The following PRKN variants were observed in gnomAD, a reference collection of about 807,000 sequenced individuals.
PRKN encodes the protein E3 ubiquitin-protein ligase parkin.
Under a neutral mutation model 59.5 loss-of-function variants are expected in PRKN, and 56 were observed. That is an observed-to-expected ratio of 0.94 (90% CI 0.76 to 1.18). PRKN has a LOEUF of 1.18. Ranked by LOEUF, PRKN falls within the 50% of genes most tolerant of loss-of-function variation. The pLI is 0.00. For synonymous variants in PRKN, 250 were observed against 222.1 expected (o/e 1.13, Z -1.12); for missense variants, 657 against 596.4 (o/e 1.10, Z -1.06).
chr6:161,749,988 G>T (rs11751111), intron 7 of PRKN, among the ~76,000 whole-genome samples: 37,252 of 151,716 alleles, frequency 0.25, 5,073 homozygotes, highest in East Asian at 0.41. Flanking sequence ...TTTGCATTGC[G>T]TTTGTTATGA....
chr6:161,626,525 C>T (rs969822266), intron 7 of PRKN, among the ~76,000 whole-genome samples: 5 of 152,194 alleles, frequency 3.3e-5, no homozygotes, highest in African/African-American at 9.7e-5. Context: ...CATGTGGTTG[C>T]CAGACTGAAA....
chr6:161,577,578 T>C (rs181665755), intron 7 of PRKN, among the ~76,000 whole-genome samples: 213 of 152,364 alleles, frequency 1.4e-3, no homozygotes, highest in Non-Finnish European at 2.1e-3. Flanking sequence ...TTTGATGCTT[T>C]CAGAATAAGC....
chr6:162,616,226 A>T (rs1297594470), intron 1 of PRKN, among the ~76,000 whole-genome samples: 2 of 152,094 alleles, frequency 1.3e-5, no homozygotes, highest in Non-Finnish European at 2.9e-5. Flanking sequence ...TTTGTGCATT[A>T]TCCCATAGTA....
intron 2 of PRKN, among the ~76,000 whole-genome samples, chr6:162,274,011 C>T (rs57127701): frequency 0.026 from 3,964 of 152,070 alleles, 62 homozygotes; most frequent in East Asian, 0.064. Context: ...ATTAGAGGAA[C>T]TGAAAAATTA....
intron 7 of PRKN, among the ~76,000 whole-genome samples, chr6:161,750,116 T>TAC (rs1159720210): frequency 1.1e-3 from 160 of 139,240 alleles, no homozygotes; most frequent in African/African-American, 2.0e-3. Context: ...TATATATATA[T>TAC]ATACACACAC....
At position 162,170,853 on chromosome 6, in the gene PRKN, G is replaced by T. The variant is rs549752823; in HGVS notation, c.534+30278C>A. On this transcript the variant is annotated intron_variant, in intron 4 of 11. Transcript: ENST00000366898. ...AGGTAAGAAACCAAAGTGATTGCTT[G>T]TGTCTCATTTAAGTTAAATTTACCA... Among the ~76,000 whole-genome samples the T allele has an allele frequency of 5.9e-5, 9 of 152,214 alleles. No individual in the cohort carries two copies. In the South Asian group the frequency reaches 1.9e-3, roughly 32 times the overall value.
At chr6:161,758,048 T>C (rs1789028987) in intron 7 of PRKN, among the ~76,000 whole-genome samples, 1 of 150,992 alleles carries the variant, frequency 6.6e-6, no homozygotes, top group African/African-American at 2.4e-5. Flanking sequence ...CTTAATGGAA[T>C]GTGAAAACTT....
chr6:162,363,228 A>C (rs947538527), intron 2 of PRKN, among the ~76,000 whole-genome samples: 6 of 151,460 alleles, frequency 4.0e-5, no homozygotes, highest in African/African-American at 1.5e-4. Flanking sequence ...CTGCCCAGGC[A>C]CGTGTCTGTA....
chr6:161,367,978 C>T (rs1582979303), intron 10 of PRKN, among the ~76,000 whole-genome samples: 1 of 152,200 alleles, frequency 6.6e-6, no homozygotes, highest in East Asian at 1.9e-4. Flanking sequence ...GAATCGGAGC[C>T]CCGAGCTGCC....
At position 161,370,354 on chromosome 6, in the gene PRKN, G is replaced by A. The variant is rs141729226; in HGVS notation, c.1168-10149C>T. Among the ~76,000 whole-genome samples the A allele has an allele frequency of 2.0e-3, 307 of 151,526 alleles. 1 individual carries two copies. The highest frequency in any genetic ancestry group is 7.0e-3 in the African/African-American group (287 of 41,200). On this transcript the variant is annotated intron_variant, in intron 10 of 11. Transcript: ENST00000366898. The stretch of plus-strand genomic sequence containing the variant: ...AATCCCAGCACTTTGGGAGGCCGAG[G>A]CGGGTGGATCACGAGGTCAGATCAA...
At chr6:162,411,629 G>T (rs1212655747) in intron 2 of PRKN, among the ~76,000 whole-genome samples, 1 of 152,066 alleles carries the variant, frequency 6.6e-6, no homozygotes, top group Non-Finnish European at 1.5e-5. Flanking sequence ...ATTTGGCAAT[G>T]AAAAATACAC....
At chr6:162,249,294 T>C (rs1353639894) in intron 3 of PRKN, among the ~76,000 whole-genome samples, 1 of 152,222 alleles carries the variant, frequency 6.6e-6, no homozygotes, top group Non-Finnish European at 1.5e-5. Flanking sequence ...GTTATTAACA[T>C]AGGTTCAATT....
intron 6 of PRKN, among the ~76,000 whole-genome samples, chr6:161,957,975 C>G (rs1790005): frequency 0.49 from 74,878 of 152,022 alleles, 18,632 homozygotes; most frequent in Middle Eastern, 0.59. Flanking sequence ...GAAATCATTT[C>G]AGATTAATCT....
intron 2 of PRKN, among the ~76,000 whole-genome samples, chr6:162,418,613 A>AGAGT (rs1788769264): frequency 7.9e-6 from 1 of 126,324 alleles, no homozygotes; most frequent in Admixed American, 8.0e-5. Flanking sequence ...AGGGACAGAC[A>AGAGT]GTGTGTGTGT....
At chr6:162,195,607 T>C (rs530490869) in intron 4 of PRKN, among the ~76,000 whole-genome samples, 29 of 152,352 alleles carry the variant, frequency 1.9e-4, no homozygotes, top group Admixed American at 5.9e-4. Context: ...AGAAACCTTT[T>C]AGCTTTAATG....
chr6:161,386,418 C>T lies in PRKN; in HGVS notation c.1167+376G>A, dbSNP rs1350339440. Reference sequence around the variant, plus strand: ...CATGCCACTCACAGAGGTATTTTCACCAGAGATTCTAAACTAGGGCATTAA... The same window carrying T: ...CATGCCACTCACAGAGGTATTTTCATCAGAGATTCTAAACTAGGGCATTAA... On this transcript the variant is annotated intron_variant, in intron 10 of 11. Coordinates refer to ENST00000366898, the MANE Select transcript of PRKN (RefSeq NM_004562.3). The surrounding 1 kb of genome is among the most constrained non-coding windows in gnomAD (Gnocchi z 4.3). Among the ~76,000 whole-genome samples the T allele has an allele frequency of 7.9e-5, 12 of 152,120 alleles. No individual in the cohort carries two copies. Among genetic ancestry groups the T allele is most frequent in the Admixed American group, 7.9e-4 (12 of 15,264 alleles).
intron 1 of PRKN, among the ~76,000 whole-genome samples, chr6:162,565,748 T>C (rs1385513449): frequency 1.3e-5 from 2 of 149,696 alleles, no homozygotes; most frequent in Admixed American, 6.8e-5. Context: ...ATATAATGAA[T>C]GTAAAGGGAC....
chr6:162,603,419 T>C (rs939395224), intron 1 of PRKN, among the ~76,000 whole-genome samples: 3 of 152,194 alleles, frequency 2.0e-5, no homozygotes, highest in Non-Finnish European at 2.9e-5. Flanking sequence ...TATTGGTTTC[T>C]GTAGAGCTGT....
intron 6 of PRKN, among the ~76,000 whole-genome samples, chr6:161,788,898 T>C (rs1029199688): frequency 3.9e-5 from 6 of 152,300 alleles, no homozygotes; most frequent in East Asian, 3.9e-4. Context: ...TATACAGATA[T>C]AGATAAATGA....
Sources: allele counts gnomAD v4.1 joint callset (sites outside exome capture counted in the v4.1 genomes callset), GRCh38; gene constraint gnomAD v4.1.1; non-coding constraint Gnocchi (gnomAD v3.1); transcripts MANE v1.5; gene names NCBI Gene and HGNC (gene_info 2026-07-23, HGNC 2026-07-21).